The following KIF17 variants were observed in gnomAD, a reference collection of about 807,000 sequenced individuals.
KIF17 encodes kinesin-like protein KIF17.
KIF17 carries 80 observed loss-of-function variants against 96.8 expected under a neutral mutation model. The observed-to-expected ratio is 0.83, with a 90% CI of 0.69 to 1.00. The LOEUF (loss-of-function observed/expected upper bound fraction) is 1.00. Among genes scored for constraint, KIF17 ranks in the 50% least tolerant of loss-of-function variants. The pLI is 0.00. For synonymous variants in KIF17, 567 were observed against 587.5 expected, an observed-to-expected ratio of 0.97 and a Z score of 0.51; for missense variants, 1,280 against 1,372.9, an observed-to-expected ratio of 0.93 and a Z score of 1.07.
chr1:20,664,485 C>T lies in KIF17; in HGVS notation c.*99G>A, dbSNP rs2053489251. On this transcript the variant is annotated 3_prime_UTR_variant, in exon 15 of 15. Transcript: ENST00000400463. ...CTGAGGGAGCCCTCAGGCCCCGGAGCGCTGTGTGGCAGGTGGGAGGAGACC... is the reference window on the plus strand; with the variant it reads ...CTGAGGGAGCCCTCAGGCCCCGGAGTGCTGTGTGGCAGGTGGGAGGAGACC... 6 of 1,606,996 alleles carry T rather than the reference C, an allele frequency of 3.7e-6. No individual in the cohort carries two copies. Among genetic ancestry groups the T allele is most frequent in the Non-Finnish European group, 5.1e-6 (6 of 1,178,164 alleles).
intron 5 of KIF17, among the ~76,000 whole-genome samples, chr1:20,703,091 A>G (rs2054265939): frequency 6.6e-6 from 1 of 151,920 alleles, no homozygotes; most frequent in Admixed American, 6.6e-5. Flanking sequence ...GGGGTGGGTG[A>G]TTAGAATGGG....
At position 20,704,296 on chromosome 1, in the gene KIF17, AACCAGGGC is replaced by A; in HGVS notation, c.1123+143_1123+150del. On this transcript the variant is annotated intron_variant, in intron 5 of 14. Transcript: ENST00000400463. The surrounding 1 kb of genome is among the most constrained non-coding windows in gnomAD (Gnocchi z 6.8). Reference sequence around the variant, plus strand: ...AGCAGATACCATCTGGGCCGTCTCCAACCAGGGCCCTGCGCTCACATGGGGCTGAGGGG... The same window carrying A: ...AGCAGATACCATCTGGGCCGTCTCCACCTGCGCTCACATGGGGCTGAGGGG... 7 of 674,050 alleles carry A rather than the reference AACCAGGGC, an allele frequency of 1.0e-5. 1 individual carries two copies. The highest frequency in any genetic ancestry group is 1.6e-5 in the Non-Finnish European group (6 of 375,958). 41.8% of individuals were successfully genotyped at this position (674,050 alleles called of 1,614,324 possible).
chr1:20,696,742 G>A (rs1387278477), intron 6 of KIF17, among the ~76,000 whole-genome samples: 1 of 151,824 alleles, frequency 6.6e-6, no homozygotes, highest in Non-Finnish European at 1.5e-5. Flanking sequence ...CTGTGACTCC[G>A]TGTGTGACTC....
chr1:20,714,571 T>C (rs868196421), intron 2 of KIF17, among the ~76,000 whole-genome samples: 2 of 151,992 alleles, frequency 1.3e-5, no homozygotes, highest in South Asian at 4.1e-4. Context: ...CCGAGGCCAA[T>C]GAATCACCTG....
intron 5 of KIF17, among the ~76,000 whole-genome samples, chr1:20,701,471 A>C (rs566730944): frequency 5.9e-5 from 9 of 152,310 alleles, no homozygotes; most frequent in Non-Finnish European, 1.2e-4. Context: ...GCCAGGCTGC[A>C]GGGTGCATTT....
intron 3 of KIF17, among the ~76,000 whole-genome samples, chr1:20,712,164 G>A (rs1242803244): frequency 6.6e-6 from 1 of 152,168 alleles, no homozygotes; most frequent in African/African-American, 2.4e-5. Context: ...GTCCAGGGTA[G>A]TGACGAAGGG....
chr1:20,685,405 G>A lies in KIF17; in HGVS notation c.2020-385C>T, dbSNP rs1035845925. 4.5e-5 allele frequency: 18 copies of A among 399,012 alleles called. No individual in the cohort carries two copies. The highest frequency in any genetic ancestry group is 7.9e-4 in the Middle Eastern group (1 of 1,258). The allele number at this position is 399,012 out of a possible 1,614,324, so 24.7% of individuals were successfully genotyped here. A position where few individuals can be genotyped will look rare whatever the true frequency, so the allele number is the denominator to read the frequency against. The stretch of plus-strand genomic sequence containing the variant: ...GCTCCCTGCCTCCACGGCCTCCCCC[G>A]CCACCGTGGCCTCCTTTTCCATTGC... On this transcript the variant is annotated intron_variant, in intron 9 of 14. Transcript: ENST00000400463. The surrounding 1 kb of genome is among the most constrained non-coding windows in gnomAD (Gnocchi z 4.1).
Position 20,664,091 on chromosome 1 carries a change from G to C in KIF17, c.*493C>G, listed in dbSNP as rs576097795. The C allele has an allele frequency of 2.2e-4, 50 of 227,718 alleles. 1 individual carries two copies. Among genetic ancestry groups the C allele is most frequent in the African/African-American group, 1.1e-3 (50 of 45,012 alleles). 14.1% of individuals were successfully genotyped at this position (227,718 alleles called of 1,614,324 possible). A position where few individuals can be genotyped will look rare whatever the true frequency, so the allele number is the denominator to read the frequency against. On this transcript the variant is annotated 3_prime_UTR_variant, in exon 15 of 15. Coordinates refer to ENST00000400463, the MANE Select transcript of KIF17 (RefSeq NM_001122819.3). ...GCCACAGACCAGCCAGGGGTGGGCA[G>C]TGCAGGAAGACCTGCTGTGGGACCC...
intron 5 of KIF17, 106 bp from the exon 6 acceptor site, chr1:20,698,594 T>C: frequency 1.4e-6 from 1 of 730,292 alleles, no homozygotes. Context: ...AAGAAGACTT[T>C]AAAGTATTCA....
Position 20,685,399 on chromosome 1 carries a change from T to TC in KIF17, c.2020-380dup. ...CTGCCGGCTCCCTGCCTCCACGGCC[T>TC]CCCCCGCCACCGTGGCCTCCTTTTC... On this transcript the variant is annotated intron_variant, in intron 9 of 14. Transcript: ENST00000400463. This position sits in a 1 kb window ranked among gnomAD's most constrained non-coding sequence, Gnocchi z 4.1. The TC allele has an allele frequency of 5.0e-6, 2 of 401,796 alleles. No individual in the cohort carries two copies. The highest frequency in any genetic ancestry group is 3.2e-5 in the Admixed American group (1 of 30,828). 24.9% of individuals were successfully genotyped at this position (401,796 alleles called of 1,614,324 possible). A position where few individuals can be genotyped will look rare whatever the true frequency, so the allele number is the denominator to read the frequency against.
At position 20,685,578 on chromosome 1, in the gene KIF17, T is replaced by C. The variant is rs947230802; in HGVS notation, c.2019+468A>G. Among the ~76,000 whole-genome samples, 5 of 151,788 alleles carry C rather than the reference T, an allele frequency of 3.3e-5. No individual in the cohort carries two copies. Among genetic ancestry groups the C allele is most frequent in the African/African-American group, 9.7e-5 (4 of 41,312 alleles). ...TGCCCCGGCTGCTCCATCTACGCCCTGCTGAGAGCCTGCTGCAGGCCCGGT... is the reference window on the plus strand; with the variant it reads ...TGCCCCGGCTGCTCCATCTACGCCCCGCTGAGAGCCTGCTGCAGGCCCGGT... On this transcript the variant is annotated intron_variant, in intron 9 of 14. Coordinates refer to ENST00000400463, the MANE Select transcript of KIF17 (RefSeq NM_001122819.3). This position sits in a 1 kb window ranked among gnomAD's most constrained non-coding sequence, Gnocchi z 4.1.
At chr1:20,694,950 C>G (rs1032970568) in intron 6 of KIF17, among the ~76,000 whole-genome samples, 1 of 152,184 alleles carries the variant, frequency 6.6e-6, no homozygotes, top group Admixed American at 6.5e-5. Flanking sequence ...AGCCCTGACC[C>G]TGGTTAAACC....
intron 11 of KIF17, among the ~76,000 whole-genome samples, chr1:20,675,006 C>T (rs1191968219): frequency 2.0e-5 from 3 of 152,026 alleles, no homozygotes; most frequent in Admixed American, 6.6e-5. Context: ...CTAAAATTAG[C>T]CGGACATGGT....
rs1213927356 is a variant in KIF17 at position 20,687,749 on chromosome 1, T to G, written c.1577A>C (p.Lys526Thr). 1 of 1,614,084 alleles carries G rather than the reference T, an allele frequency of 6.2e-7. No homozygotes were observed. Among genetic ancestry groups the G allele is most frequent in the Non-Finnish European group, 8.5e-7 (1 of 1,180,034 alleles). ...AATCTCAGATTTGGAGGGTTCCACC[T>G]TGGGCAGCTCCGCAAACCTGGAGGA... is the stretch of plus-strand genomic sequence containing the variant. ...QVSSRFAELP[K>T]VEPSKSEISL... Residue 526 changes from lysine to threonine, a missense_variant, in exon 8 of 15, where the codon AAG becomes ACG. Coordinates refer to ENST00000400463, the MANE Select transcript of KIF17 (RefSeq NM_001122819.3). The surrounding 1 kb of genome is among the most constrained non-coding windows in gnomAD (Gnocchi z 4.4).
intron 3 of KIF17, among the ~76,000 whole-genome samples, chr1:20,712,632 A>C (rs1159117370): frequency 3.7e-4 from 10 of 26,860 alleles, no homozygotes; most frequent in African/African-American, 1.2e-3. Context: ...GATAATATCT[A>C]TATATATAAT....
At position 20,709,650 on chromosome 1, in the gene KIF17, A is replaced by T. The variant is rs1292262756; in HGVS notation, c.659T>A (p.Met220Lys). ...ATGGCCTCGCATACCCACGGCAGAC[A>T]TCTCGATGCTGATGGTGAAGATGGA... Reference protein sequence around the residue: ...SHSIFTISIEMSAVDERGKDH... With the variant: ...SHSIFTISIEKSAVDERGKDH... Residue 220 changes from methionine to lysine, a missense_variant, in exon 4 of 15, where the codon ATG becomes AAG. Physicochemically the swap from Met to Lys is moderately conservative, Grantham distance 95. Coordinates refer to ENST00000400463, the MANE Select transcript of KIF17 (RefSeq NM_001122819.3). The surrounding 1 kb of genome is among the most constrained non-coding windows in gnomAD (Gnocchi z 4.7). 1.2e-6 allele frequency: 2 copies of T among 1,613,888 alleles called. No homozygotes were observed. Among genetic ancestry groups the T allele is most frequent in the Non-Finnish European group, 1.7e-6 (2 of 1,180,022 alleles).
In KIF17 at chr1:20,684,829, G is replaced by A; in HGVS notation, c.2211C>T (p.Asp737=). 1 of 1,586,640 alleles carries A rather than the reference G, an allele frequency of 6.3e-7. No homozygotes were observed. The highest frequency in any genetic ancestry group is 1.1e-5 in the South Asian group (1 of 87,258). Residue 737 remains aspartate (D), a synonymous_variant, in exon 10 of 15, where the codon GAC becomes GAT. Coordinates refer to ENST00000400463, the MANE Select transcript of KIF17 (RefSeq NM_001122819.3). ...CTTACCGGGCCAGCACCTGCTGCTGGTCCACAACGGGCAGCGGGTCATCAG... is the reference window on the plus strand; with the variant it reads ...CTTACCGGGCCAGCACCTGCTGCTGATCCACAACGGGCAGCGGGTCATCAG... The part of the protein sequence containing the change: ...VLTDDPLPVV[D]QQQVLARLQL...
intron 11 of KIF17, among the ~76,000 whole-genome samples, chr1:20,673,869 A>G (rs1474661636): frequency 6.6e-6 from 1 of 151,736 alleles, no homozygotes; most frequent in Non-Finnish European, 1.5e-5. Context: ...ACGTGGTGTT[A>G]GTGGGTATAA....
chr1:20,698,353 C>T, intron 6 of KIF17, 26 bp downstream of exon 6: 1 of 1,559,318 alleles, frequency 6.4e-7, no homozygotes, highest in Non-Finnish European at 8.8e-7. Flanking sequence ...GTCCCTTCTC[C>T]ATGTTCCCAC....
Sources: allele counts gnomAD v4.1 joint callset (sites outside exome capture counted in the v4.1 genomes callset), GRCh38; gene constraint gnomAD v4.1.1; non-coding constraint Gnocchi (gnomAD v3.1); transcripts MANE v1.5; gene names NCBI Gene and HGNC (gene_info 2026-07-23, HGNC 2026-07-21).